PIEZO2: variants seen among roughly 807,000 people sequenced by gnomAD.
PIEZO2 encodes the protein piezo type mechanosensitive ion channel component 2, also known as piezo-type mechanosensitive ion channel component 2.
A neutral mutation model predicts 337.3 loss-of-function variants in PIEZO2; 172 were observed. That is an observed-to-expected ratio of 0.51 (90% confidence interval 0.45 to 0.58). PIEZO2 has a LOEUF of 0.58. Ranked by LOEUF, PIEZO2 falls within the 20% of genes least tolerant of loss-of-function variation. PIEZO2 has a pLI of 0.00. For synonymous variants in PIEZO2, 1,251 were observed against 1,228.5 expected, an observed-to-expected ratio of 1.02 and a Z score of -0.38; for missense variants, 3,028 against 3,391.3, an observed-to-expected ratio of 0.89 and a Z score of 2.66.
chr18:10,842,178 AT>A (rs2144612175), intron 7 of PIEZO2, among the ~76,000 whole-genome samples: 1 of 151,078 alleles, frequency 6.6e-6, no homozygotes, highest in African/African-American at 2.4e-5. Flanking sequence ...GTTGGTGTGC[AT>A]TTTTTTATTT....
Position 10,979,994 on chromosome 18 carries a change from C to A in PIEZO2, c.161-334G>T, listed in dbSNP as rs1257868510. Among the ~76,000 whole-genome samples, 1 of 152,076 alleles carries A rather than the reference C, an allele frequency of 6.6e-6. No individual in the cohort carries two copies. Among genetic ancestry groups the A allele is most frequent in the East Asian group, 1.9e-4 (1 of 5,186 alleles). On this transcript the variant is annotated intron_variant, in intron 2 of 55. Transcript: ENST00000674853. This position sits in a 1 kb window ranked among gnomAD's most constrained non-coding sequence, Gnocchi z 4.0. ...GCCAACTTTGAAGGGACAGATAACT[C>A]CTGTCTTAGAAAAATAATTCTAGGA...
chr18:10,690,716 T>A (rs543938089), intron 48 of PIEZO2, among the ~76,000 whole-genome samples: 1 of 152,198 alleles, frequency 6.6e-6, no homozygotes, highest in African/African-American at 2.4e-5. Context: ...GCTGAACTTG[T>A]CACATAGAAG....
At chr18:11,072,027 C>T (rs1488038235) in intron 1 of PIEZO2, among the ~76,000 whole-genome samples, 1 of 152,168 alleles carries the variant, frequency 6.6e-6, no homozygotes, top group Non-Finnish European at 1.5e-5. Context: ...TCCTGCACAG[C>T]TCACATGCTT....
chr18:10,883,757 TCCTCCCCA>T (rs1213522072), intron 4 of PIEZO2, among the ~76,000 whole-genome samples: 1 of 150,776 alleles, frequency 6.6e-6, no homozygotes, highest in Non-Finnish European at 1.5e-5. Flanking sequence ...ATCTCTCCAA[TCCTCCCCA>T]CCTCAGCCCT....
rs372017691 is a variant in PIEZO2, at chr18:10,979,710, A to G, written c.161-50T>C. The stretch of plus-strand genomic sequence containing the variant: ...TGTGAGAGAGCTTAAGATGAAACAC[A>G]CTGGTGCTGTCTCTTGTACATATTT... On this transcript the variant is annotated intron_variant, in intron 2 of 55. Transcript: ENST00000674853. This position sits in a 1 kb window ranked among gnomAD's most constrained non-coding sequence, Gnocchi z 4.0. 20 of 1,475,678 alleles carry G rather than the reference A, an allele frequency of 1.4e-5. No individual in the cohort carries two copies. In the African/African-American group the frequency reaches 1.7e-4, roughly 12 times the overall value. The allele number at this position is 1,475,678 out of a possible 1,614,324, so 91.4% of individuals were successfully genotyped here.
chr18:10,845,215 A>AAAC (rs1568123506), intron 7 of PIEZO2, among the ~76,000 whole-genome samples: 1 of 121,104 alleles, frequency 8.3e-6, no homozygotes, highest in Non-Finnish European at 1.8e-5. Flanking sequence ...TATATATATA[A>AAAC]ACACACACAC....
intron 2 of PIEZO2, among the ~76,000 whole-genome samples, chr18:11,004,914 TGGACACTCCTGA>T: frequency 6.6e-6 from 1 of 152,360 alleles, no homozygotes; most frequent in Admixed American, 6.5e-5. Context: ...CATGCCCCTC[TGGACACTCCTGA>T]GTGTCTAGCA....
At chr18:10,739,567 G>A (rs756916007) in intron 33 of PIEZO2, 3 of 152,150 alleles carry the variant, frequency 2.0e-5, no homozygotes, top group Non-Finnish European at 2.9e-5. Flanking sequence ...TAAATTAGCA[G>A]AGGCCCTTTA....
chr18:10,893,360 C>T (rs149040130), intron 4 of PIEZO2, among the ~76,000 whole-genome samples: 3,225 of 152,264 alleles, frequency 0.021, 59 homozygotes, highest in Non-Finnish European at 0.032. Flanking sequence ...GATTCCTCAG[C>T]GATGTGCAGG....
At chr18:10,675,109 A>C in intron 54 of PIEZO2, 100 bp downstream of exon 54, 1 of 752,802 alleles carries the variant, frequency 1.3e-6, no homozygotes, top group Non-Finnish European at 2.2e-6. Context: ...AGGGAGAGAT[A>C]ACTAGAAAGT....
rs1036151050 is a variant in PIEZO2, at chr18:10,673,814, C to T, written c.8162-941G>A. ...TACTAAATTCCTAGATCACAGGTGT[C>T]CAATCTTTTGGGTTCGCTGGGCCAC... On this transcript the variant is annotated intron_variant, in intron 54 of 55. Coordinates refer to ENST00000674853, the MANE Select transcript of PIEZO2 (RefSeq NM_001378183.1). The surrounding 1 kb of genome is among the most constrained non-coding windows in gnomAD (Gnocchi z 4.8). Among the ~76,000 whole-genome samples the T allele has an allele frequency of 1.3e-5, 2 of 152,086 alleles. No homozygotes were observed. The highest frequency in any genetic ancestry group is 4.8e-5 in the African/African-American group (2 of 41,420).
chr18:10,690,412 A>T (rs1207547574), intron 48 of PIEZO2, among the ~76,000 whole-genome samples: 1 of 152,162 alleles, frequency 6.6e-6, no homozygotes, highest in African/African-American at 2.4e-5. Flanking sequence ...CCCAGCCTGG[A>T]GAATCTGGGT....
intron 10 of PIEZO2, among the ~76,000 whole-genome samples, 196 bp from the exon 11 acceptor site, chr18:10,800,671 G>C (rs2039780499): frequency 6.6e-6 from 1 of 152,260 alleles, no homozygotes; most frequent in Non-Finnish European, 1.5e-5. Flanking sequence ...TCTCCACAGA[G>C]TGATCGCAGG....
chr18:10,936,283 T>C (rs1385461149), intron 3 of PIEZO2, among the ~76,000 whole-genome samples: 1 of 152,228 alleles, frequency 6.6e-6, no homozygotes, highest in Non-Finnish European at 1.5e-5. Flanking sequence ...TCGCAATTTC[T>C]CTTTTTATAA....
rs1052570045 is a variant in PIEZO2 at position 11,111,970 on chromosome 18, C to CT, written c.64+36554dup. On this transcript the variant is annotated intron_variant, in intron 1 of 55. Transcript: ENST00000674853. This position sits in a 1 kb window ranked among gnomAD's most constrained non-coding sequence, Gnocchi z 6.2. ...CACTTCATGAGTCCCCTTGAATCCT[C>CT]TGAGGTTCTGACTTAAGAGGGAAAA... is the stretch of plus-strand genomic sequence containing the variant. Among the ~76,000 whole-genome samples the CT allele has an allele frequency of 6.6e-6, 1 of 152,184 alleles. No homozygotes were observed. The highest frequency in any genetic ancestry group is 2.4e-5 in the African/African-American group (1 of 41,448).
At position 10,681,702 on chromosome 18, in the gene PIEZO2, G is replaced by T. The variant is rs762179788; in HGVS notation, c.7738C>A (p.Gln2580Lys). 1.2e-6 allele frequency: 2 copies of T among 1,611,410 alleles called. No individual in the cohort carries two copies. Among genetic ancestry groups the T allele is most frequent in the Non-Finnish European group, 1.7e-6 (2 of 1,177,738 alleles). The change falls in exon 51 of 56, where the codon CAG becomes AAG. Residue 2580 changes from glutamine (Q) to lysine (K), a missense_variant. Gln to Lys is a moderately conservative substitution (Grantham distance 53). Coordinates refer to ENST00000674853, the MANE Select transcript of PIEZO2 (RefSeq NM_001378183.1). ...GCTTGTATAAATTTGTTAAAGCTCT[G>T]CTGGTCCATAACTTTCAACTGGCTT... is the stretch of plus-strand genomic sequence containing the variant. ...QQSQLKVMDQ[Q>K]SFNKFIQAFS...
chr18:10,842,654 C>A (rs1194416536), intron 7 of PIEZO2, among the ~76,000 whole-genome samples: 1 of 152,214 alleles, frequency 6.6e-6, no homozygotes, highest in African/African-American at 2.4e-5. Flanking sequence ...CAAATAAACC[C>A]CTTTTCTTGA....
chr18:11,134,110 A>T (rs1198285162), intron 1 of PIEZO2, among the ~76,000 whole-genome samples: 1 of 152,228 alleles, frequency 6.6e-6, no homozygotes, highest in African/African-American at 2.4e-5. Flanking sequence ...CCATGTGATC[A>T]GCACATAGAG....
intron 23 of PIEZO2, among the ~76,000 whole-genome samples, chr18:10,761,569 C>T (rs1429839461): frequency 1.3e-5 from 2 of 152,132 alleles, no homozygotes; most frequent in East Asian, 3.8e-4. Flanking sequence ...GAAAAGCATG[C>T]TGACAACAGT....
Sources: gnomAD v4.1 joint callset for allele counts (sites outside exome capture counted in the v4.1 genomes callset) on GRCh38, gnomAD v4.1.1 for gene constraint, Gnocchi (gnomAD v3.1) non-coding constraint, MANE v1.5 for transcripts, NCBI Gene and HGNC (gene_info 2026-07-23, HGNC 2026-07-21) for gene names.